Variants in FER1L6 observed in about 807,000 individuals in gnomAD.
FER1L6 encodes fer-1-like protein 6.
A neutral mutation model predicts 219.2 loss-of-function variants in FER1L6; 177 were observed. The ratio of observed to expected loss-of-function variants is 0.81; its 90% CI spans 0.71 to 0.91. The LOEUF is 0.91. Ranked by LOEUF, FER1L6 falls within the 40% of genes least tolerant of loss-of-function variation. The pLI is 0.00. For missense variants in FER1L6, 2,153 were observed against 2,259.9 expected, an observed-to-expected ratio of 0.95 and a Z score of 0.96; for synonymous variants, 768 against 824.3, an observed-to-expected ratio of 0.93 and a Z score of 1.17.
Position 124,069,361 on chromosome 8 carries a change from G to A in FER1L6, c.3720G>A (p.Glu1240=), listed in dbSNP as rs1259230641. ...CTAATTTCTGCTGAATATCCACAGAGGCAAAGCCAGATGAGGTAGTGGTAG... is the reference window on the plus strand; with the variant it reads ...CTAATTTCTGCTGAATATCCACAGAAGCAAAGCCAGATGAGGTAGTGGTAG... ...RNPKGKKGNT[E]AKPDEVVVDI... The change falls in exon 29 of 41, where the codon GAG becomes GAA. Residue 1240 remains glutamate (E), a splice_region_variant and synonymous_variant. Coordinates refer to ENST00000522917, the MANE Select transcript of FER1L6 (RefSeq NM_001039112.2). 6.2e-7 allele frequency: 1 copy of A among 1,610,340 alleles called. No homozygotes were observed.
chr8:124,025,795 T>G (rs566230885), intron 18 of FER1L6, among the ~76,000 whole-genome samples: 9 of 152,194 alleles, frequency 5.9e-5, no homozygotes, highest in Non-Finnish European at 1.2e-4. Flanking sequence ...TATTGATTCT[T>G]CCAATCCATG....
chr8:124,042,926 C>T (rs1056194111), intron 20 of FER1L6, among the ~76,000 whole-genome samples: 4 of 152,076 alleles, frequency 2.6e-5, no homozygotes, highest in South Asian at 4.1e-4. Flanking sequence ...GAGAAAGCTC[C>T]GACAGAGAAA....
intron 1 of FER1L6, among the ~76,000 whole-genome samples, chr8:123,929,330 A>G (rs547571235): frequency 1.3e-5 from 2 of 152,334 alleles, no homozygotes; most frequent in African/African-American, 4.8e-5. Flanking sequence ...GGAAAGGAGA[A>G]CAGCCTTTAT....
At chr8:123,984,466 A>G (rs1816469466) in intron 11 of FER1L6, 1 of 152,040 alleles carries the variant, frequency 6.6e-6, no homozygotes, top group African/African-American at 2.4e-5. Context: ...CTGGTCTCAA[A>G]CTCATGGGCT....
intron 21 of FER1L6, among the ~76,000 whole-genome samples, chr8:124,049,077 C>G (rs1020917102): frequency 5.3e-5 from 8 of 151,258 alleles, no homozygotes; most frequent in Admixed American, 4.0e-4. Context: ...TTTGAGACAT[C>G]TCTCTCTGTC....
chr8:123,900,828 A>G (rs1020904755), intron 1 of FER1L6, among the ~76,000 whole-genome samples: 1 of 152,194 alleles, frequency 6.6e-6, no homozygotes, highest in African/African-American at 2.4e-5. Flanking sequence ...ATGTTAAACC[A>G]TCTCTGCATC....
At chr8:123,998,380 C>T (rs1817241854) in intron 12 of FER1L6, among the ~76,000 whole-genome samples, 1 of 109,320 alleles carries the variant, frequency 9.1e-6, no homozygotes, top group South Asian at 3.2e-4. Flanking sequence ...GAAACTCTCT[C>T]TCTCTCTCTC....
chr8:124,021,451 T>A (rs1470937674), intron 16 of FER1L6, 99 bp from the exon 17 acceptor site: 6 of 1,511,568 alleles, frequency 4.0e-6, no homozygotes, highest in Non-Finnish European at 3.6e-6. Context: ...AGTGACTCAG[T>A]GTGGAGCTCA....
intron 12 of FER1L6, among the ~76,000 whole-genome samples, chr8:124,001,897 C>G (rs971328839): frequency 2.0e-5 from 3 of 152,176 alleles, no homozygotes; most frequent in African/African-American, 7.2e-5. Flanking sequence ...CTTTAGGGAC[C>G]TGTTTAGCTT....
intron 32 of FER1L6, among the ~76,000 whole-genome samples, chr8:124,079,205 C>A (rs1381575791): frequency 6.6e-6 from 1 of 152,170 alleles, no homozygotes; most frequent in Non-Finnish European, 1.5e-5. Flanking sequence ...ATCCTAATGA[C>A]CTCATTATAT....
At chr8:124,096,446 T>C (rs767348575) in intron 35 of FER1L6, among the ~76,000 whole-genome samples, 4 of 152,128 alleles carry the variant, frequency 2.6e-5, no homozygotes, top group Non-Finnish European at 5.9e-5. Context: ...TCTTATAAAA[T>C]CCACCCCTGC....
chr8:123,994,704 C>A (rs894418985), intron 12 of FER1L6, among the ~76,000 whole-genome samples: 10 of 152,172 alleles, frequency 6.6e-5, no homozygotes, highest in Non-Finnish European at 2.9e-5. Context: ...TCCCACTTGT[C>A]CCCCAGTTCT....
chr8:124,059,945 T>C (rs1218122254), intron 22 of FER1L6, among the ~76,000 whole-genome samples: 2 of 152,238 alleles, frequency 1.3e-5, no homozygotes, highest in East Asian at 3.8e-4. Flanking sequence ...TCTGTGTTAT[T>C]AGCCTTGTGG....
At chr8:123,913,959 T>G (rs1813114966) in intron 1 of FER1L6, among the ~76,000 whole-genome samples, 1 of 152,224 alleles carries the variant, frequency 6.6e-6, no homozygotes, top group African/African-American at 2.4e-5. Flanking sequence ...TCTTCTGTAT[T>G]AGAAATGGGT....
rs16893060 is a variant in FER1L6 at position 123,917,225 on chromosome 8, A to C, written c.-7-38767A>C. Reference sequence around the variant, plus strand: ...TGATAAATAACTGTGCCAAACAGGAAGTGTTGACTGATGGTGACCAGACAC... The same window carrying C: ...TGATAAATAACTGTGCCAAACAGGACGTGTTGACTGATGGTGACCAGACAC... On this transcript the variant is annotated intron_variant, in intron 1 of 40. Coordinates refer to ENST00000522917, the MANE Select transcript of FER1L6 (RefSeq NM_001039112.2). Among the ~76,000 whole-genome samples the C allele has an allele frequency of 0.021, 3,224 of 152,340 alleles. 265 individuals carry two copies. The East Asian group carries it at 0.3, about 14-fold the overall frequency.
At chr8:123,896,167 G>A (rs1812739140) in intron 1 of FER1L6, among the ~76,000 whole-genome samples, 1 of 152,166 alleles carries the variant, frequency 6.6e-6, no homozygotes, top group Admixed American at 6.5e-5. Flanking sequence ...CCAACCCAGG[G>A]ATAGACAGGA....
chr8:124,102,107 T>G (rs936346894), intron 38 of FER1L6, among the ~76,000 whole-genome samples: 11 of 152,172 alleles, frequency 7.2e-5, no homozygotes, highest in Non-Finnish European at 1.3e-4. Flanking sequence ...TTATCAGACT[T>G]GAAGAGTCTG....
At chr8:123,886,069 C>G (rs778380002) in intron 1 of FER1L6, among the ~76,000 whole-genome samples, 1 of 152,172 alleles carries the variant, frequency 6.6e-6, no homozygotes, top group African/African-American at 2.4e-5. Context: ...GGAGTACTTC[C>G]TTTGTGCACC....
rs901827397 is a variant in FER1L6 at position 123,852,584 on chromosome 8, A to G, written c.-8+399A>G. Among the ~76,000 whole-genome samples, 1 of 152,028 alleles carries G rather than the reference A, an allele frequency of 6.6e-6. No individual in the cohort carries two copies. The highest frequency in any genetic ancestry group is 1.5e-5 in the Non-Finnish European group (1 of 68,002). ...TTGGGGGATTATAGAGACAAAAAGC[A>G]TGAGGAAGTTGCCTCAGGAACTCAT... On this transcript the variant is annotated intron_variant, in intron 1 of 40. Coordinates refer to ENST00000522917, the MANE Select transcript of FER1L6 (RefSeq NM_001039112.2). This position sits in a 1 kb window ranked among gnomAD's most constrained non-coding sequence, Gnocchi z 4.9.
Sources: allele counts gnomAD v4.1 joint callset (sites outside exome capture counted in the v4.1 genomes callset), GRCh38; gene constraint gnomAD v4.1.1; non-coding constraint Gnocchi (gnomAD v3.1); transcripts MANE v1.5; gene names NCBI Gene and HGNC (gene_info 2026-07-23, HGNC 2026-07-21).